FRAS1: variants seen among roughly 807,000 people sequenced by gnomAD.
FRAS1 encodes the protein Fraser extracellular matrix complex subunit 1.
FRAS1 carries 290 observed loss-of-function variants against 435.2 expected under a neutral mutation model. The observed-to-expected ratio is 0.67, with a 90% CI of 0.61 to 0.73. The LOEUF is 0.73. Ranked by LOEUF, FRAS1 falls within the 30% of genes least tolerant of loss-of-function variation. FRAS1 has a pLI of 0.00. For missense variants in FRAS1, 4,860 were observed against 5,001.5 expected (o/e 0.97, Z 0.85); for synonymous variants, 1,800 against 1,851.0 (o/e 0.97, Z 0.71).
At chr4:78,233,538 A>C (rs1399640795) in intron 2 of FRAS1, among the ~76,000 whole-genome samples, 2 of 152,250 alleles carry the variant, frequency 1.3e-5, no homozygotes, top group African/African-American at 4.8e-5. Flanking sequence ...ACATTTGCTG[A>C]ATGCCTGTGA....
chr4:78,499,038 G>A (rs1720596617), intron 60 of FRAS1, among the ~76,000 whole-genome samples: 2 of 152,028 alleles, frequency 1.3e-5, no homozygotes, highest in African/African-American at 4.8e-5. Flanking sequence ...GTAGAGATGA[G>A]GTCTCACTAT....
At chr4:78,335,786 C>T (rs444500) in intron 19 of FRAS1, among the ~76,000 whole-genome samples, 2 of 152,012 alleles carry the variant, frequency 1.3e-5, no homozygotes, top group African/African-American at 2.4e-5. Context: ...TTTAAGATCA[C>T]CTTTATGTTT....
chr4:78,207,647 G>T (rs568303117), intron 2 of FRAS1, among the ~76,000 whole-genome samples: 1 of 152,264 alleles, frequency 6.6e-6, no homozygotes, highest in South Asian at 2.1e-4. Flanking sequence ...ACTATAATAG[G>T]TCAGTGAGCT....
intron 6 of FRAS1, among the ~76,000 whole-genome samples, chr4:78,264,521 A>C (rs944558008): frequency 6.6e-6 from 1 of 152,198 alleles, no homozygotes; most frequent in Admixed American, 6.5e-5. Flanking sequence ...AAGGAAGGAT[A>C]CCTTCACTTT....
At chr4:78,072,969 G>T (rs1740434486) in intron 2 of FRAS1, among the ~76,000 whole-genome samples, 1 of 152,098 alleles carries the variant, frequency 6.6e-6, no homozygotes, top group Non-Finnish European at 1.5e-5. Context: ...TGGATAGAAG[G>T]TTAGAGCTGT....
chr4:78,358,403 A>T (rs1730946025), intron 20 of FRAS1, among the ~76,000 whole-genome samples: 1 of 152,204 alleles, frequency 6.6e-6, no homozygotes, highest in African/African-American at 2.4e-5. Flanking sequence ...CTGGAATGAA[A>T]TTTATAATAT....
At chr4:78,196,928 G>A (rs1277627066) in intron 2 of FRAS1, among the ~76,000 whole-genome samples, 1 of 152,126 alleles carries the variant, frequency 6.6e-6, no homozygotes, top group African/African-American at 2.4e-5. Flanking sequence ...AGTTGAGAAT[G>A]AGCAAAAATT....
chr4:78,321,769 C>T (rs749377973), intron 18 of FRAS1, among the ~76,000 whole-genome samples: 6 of 142,190 alleles, frequency 4.2e-5, no homozygotes, highest in African/African-American at 1.3e-4. Context: ...AGCTTGAACT[C>T]GGGGGCGGGG....
intron 28 of FRAS1, among the ~76,000 whole-genome samples, chr4:78,385,944 T>A (rs1161862390): frequency 6.6e-6 from 1 of 151,254 alleles, no homozygotes; most frequent in Non-Finnish European, 1.5e-5. Flanking sequence ...GAGGGCTACA[T>A]CCAGTCTTAC....
chr4:78,428,765 G>A (rs889593949), intron 35 of FRAS1, among the ~76,000 whole-genome samples: 1 of 152,068 alleles, frequency 6.6e-6, no homozygotes, highest in Non-Finnish European at 1.5e-5. Flanking sequence ...AGCATCTATG[G>A]GTGCAGATTT....
chr4:78,128,179 T>G (rs915943030), intron 2 of FRAS1, among the ~76,000 whole-genome samples: 79 of 152,196 alleles, frequency 5.2e-4, no homozygotes, highest in Non-Finnish European at 1.0e-3. Context: ...TGGTTCCAAG[T>G]CTTTGCTATT....
intron 29 of FRAS1, among the ~76,000 whole-genome samples, chr4:78,394,408 C>T (rs535638131): frequency 6.6e-6 from 1 of 151,980 alleles, no homozygotes; most frequent in African/African-American, 2.4e-5. Flanking sequence ...AATTTCATCC[C>T]TTTGCATGGG....
At chr4:78,313,402 A>G (rs570234370) in intron 15 of FRAS1, among the ~76,000 whole-genome samples, 1 of 152,348 alleles carries the variant, frequency 6.6e-6, no homozygotes, top group South Asian at 2.1e-4. Flanking sequence ...TGTTCTCAAA[A>G]TATTTTTCAG....
chr4:78,379,201 C>T (rs1484326), intron 26 of FRAS1: 37,031 of 153,436 alleles, frequency 0.24, 4,910 homozygotes, highest in Admixed American at 0.31. Context: ...GGGAACATGT[C>T]TGAGTCAGAG....
intron 2 of FRAS1, among the ~76,000 whole-genome samples, chr4:78,184,726 G>T (rs1161660932): frequency 6.6e-6 from 1 of 152,132 alleles, no homozygotes; most frequent in Non-Finnish European, 1.5e-5. Context: ...GCTGTTTGGA[G>T]CCTCATTGAC....
intron 2 of FRAS1, among the ~76,000 whole-genome samples, chr4:78,212,507 T>G (rs1723559129): frequency 6.6e-6 from 1 of 152,186 alleles, no homozygotes; most frequent in Non-Finnish European, 1.5e-5. Flanking sequence ...GAATAGGAAT[T>G]CAAGGATATT....
rs1560423143 is a variant in FRAS1, at chr4:78,518,443, TA to T, written c.10390-887del. ...TTGTGTATATATATATATATATATA[TA>T]TATATATATTTATTTATTTATTTAT... On this transcript the variant is annotated intron_variant, in intron 66 of 73. Transcript: ENST00000512123. Among the ~76,000 whole-genome samples, 9 of 120,952 alleles carry T rather than the reference TA, an allele frequency of 7.4e-5. No individual in the cohort carries two copies. In the South Asian group the frequency reaches 9.4e-4, roughly 13 times the overall value. 79.3% of individuals were successfully genotyped at this position (120,952 alleles called of 152,430 possible). A position where few individuals can be genotyped will look rare whatever the true frequency, so the allele number is the denominator to read the frequency against.
At chr4:78,454,559 A>G (rs1337205460) in intron 47 of FRAS1, among the ~76,000 whole-genome samples, 1 of 152,198 alleles carries the variant, frequency 6.6e-6, no homozygotes, top group Non-Finnish European at 1.5e-5. Context: ...GGCTGCTGAG[A>G]TATTAGATAA....
intron 2 of FRAS1, among the ~76,000 whole-genome samples, chr4:78,161,969 A>G (rs891423151): frequency 6.6e-6 from 1 of 152,048 alleles, no homozygotes; most frequent in African/African-American, 2.4e-5. Context: ...CCTTCCATAA[A>G]TAAATTTGAT....
Sources: allele counts gnomAD v4.1 joint callset (sites outside exome capture counted in the v4.1 genomes callset), GRCh38; gene constraint gnomAD v4.1.1; transcripts MANE v1.5; gene names NCBI Gene and HGNC (gene_info 2026-07-23, HGNC 2026-07-21).